NXF3: variants seen among roughly 807,000 people sequenced by gnomAD.
NXF3 encodes nuclear RNA export factor 3.
In NXF3, 34 loss-of-function variants were observed where a neutral mutation model predicts 48.4. That is an observed-to-expected ratio of 0.70 (90% CI 0.53 to 0.93). NXF3 has a LOEUF of 0.93. Among genes scored for constraint, NXF3 ranks in the 40% least tolerant of loss-of-function variants. The pLI, the probability that NXF3 is intolerant of heterozygous loss-of-function variation, is 0.00. For missense variants in NXF3, 359 were observed against 406.1 expected (o/e 0.88, Z 1.00); for synonymous variants, 132 against 145.7 (o/e 0.91, Z 0.68).
rs747670072 is a variant in NXF3 at position 103,077,731 on chromosome X, A to G, written c.1467T>C (p.Asn489=). The G allele has an allele frequency of 2.2e-5, 26 of 1,209,212 alleles. No individual in the cohort carries two copies. The African/African-American group carries it at 3.9e-4, about 18-fold the overall frequency. The change falls in exon 18 of 20, where the codon AAT becomes AAC. Residue 489 remains asparagine, a synonymous_variant. Transcript: ENST00000395065. The part of the protein sequence containing the change: ...PGSSSSLCIV[N]DKLFVRDTSH... ...TGGTATCCCGCACAAAGAGCTTGTC[A>G]TTCACGATGCACAGACTGGAGGAAA...
chrX:103,088,203 AAT>A (rs1922198850), intron 1 of NXF3: 9 of 937,234 alleles, frequency 9.6e-6, no homozygotes, highest in Non-Finnish European at 1.4e-5. Flanking sequence ...TGTTAAAAAA[AAT>A]ATTGGCCAAG....
chrX:103,076,373 T>G (rs1921871081), intron 18 of NXF3, 72 bp from the exon 19 acceptor site: 1 of 1,047,573 alleles, frequency 9.5e-7, no homozygotes, highest in African/African-American at 1.8e-5. Context: ...CAATGCCATT[T>G]CTTAATCTAT....
At chrX:103,080,350 C>T (rs1921978354) in intron 10 of NXF3, 134 bp from the exon 11 acceptor site, 1 of 709,117 alleles carries the variant, frequency 1.4e-6, no homozygotes, top group South Asian at 2.6e-5. Flanking sequence ...GTGGGCAAGA[C>T]TACAGTCGGG....
Position 103,078,579 on chromosome X carries a change from T to A in NXF3, c.1432A>T (p.Thr478Ser). 8.3e-7 allele frequency: 1 copy of A among 1,211,690 alleles called. No homozygotes were observed. Residue 478 changes from threonine to serine, a missense_variant, in exon 17 of 20, where the codon ACC becomes TCC. Transcript: ENST00000395065. ...ACTAACCTGGAACTGCTGCCAGGGGTAGCAATGAAGGTCCGGGTGAAGGCG... is the reference window on the plus strand; with the variant it reads ...ACTAACCTGGAACTGCTGCCAGGGGAAGCAATGAAGGTCCGGGTGAAGGCG... ...VLAFTRTFIATPGSSSSLCIV... is the reference protein window; with the variant it reads ...VLAFTRTFIASPGSSSSLCIV...
chrX:103,088,214 A>T, intron 1 of NXF3: 1 of 830,151 alleles, frequency 1.2e-6, no homozygotes, highest in Admixed American at 2.6e-5. Context: ...ATATTGGCCA[A>T]GCTTAAACGT....
At position 103,086,594 on chromosome X, in the gene NXF3, C is replaced by T. The variant is rs145644963; in HGVS notation, c.29-1711G>A. Reference sequence around the variant, plus strand: ...TATATAGTAATACGGTCTATTTAAACCAAATCATACCTATATTTTCATTAA... The same window carrying T: ...TATATAGTAATACGGTCTATTTAAATCAAATCATACCTATATTTTCATTAA... On this transcript the variant is annotated intron_variant, in intron 1 of 19. Transcript: ENST00000395065. Among the ~76,000 whole-genome samples, 614 of 108,357 alleles carry T rather than the reference C, an allele frequency of 5.7e-3. 9 individuals carry two copies. The highest frequency in any genetic ancestry group is 0.019 in the African/African-American group (567 of 29,658). 94.1% of individuals were successfully genotyped at this position (108,357 alleles called of 115,157 possible).
chrX:103,088,208 TG>T, intron 1 of NXF3: 1 of 908,940 alleles, frequency 1.1e-6, no homozygotes, highest in Non-Finnish European at 1.6e-6. Context: ...AAAAAAATAT[TG>T]GCCAAGCTTA....
rs372200752 is a variant in NXF3 at position 103,080,510 on chromosome X, G to A, written c.927+66C>T. 11 of 1,042,902 alleles carry A rather than the reference G, an allele frequency of 1.1e-5. No individual in the cohort carries two copies. In the South Asian group the frequency reaches 1.9e-4, roughly 18 times the overall value. The allele number at this position is 1,042,902 out of a possible 1,213,427, so 85.9% of individuals were successfully genotyped here. A position where few individuals can be genotyped will look rare whatever the true frequency, so the allele number is the denominator to read the frequency against. On this transcript the variant is annotated intron_variant, in intron 10 of 19. Transcript: ENST00000395065. The stretch of plus-strand genomic sequence containing the variant: ...TGTAACTGGGACAATATCTAAAGGG[G>A]TTTGGGGCAGTTGGGGGCAGCATCA...
Position 103,083,286 on chromosome X carries a change from CAA to C in NXF3, c.541-15_541-14del. ...CAAAGATTGATATCTGCAGAGAACC[CAA>C]GAGGGGCTGAGTAAACACTAGGAAC... On this transcript the variant is annotated splice_polypyrimidine_tract_variant and intron_variant, in intron 5 of 19. Transcript: ENST00000395065. 2 of 1,204,747 alleles carry C rather than the reference CAA, an allele frequency of 1.7e-6. No individual in the cohort carries two copies. Among genetic ancestry groups the C allele is most frequent in the Non-Finnish European group, 2.2e-6 (2 of 889,416 alleles).
chrX:103,087,591 T>C, intron 1 of NXF3: 1 of 960,633 alleles, frequency 1.0e-6, no homozygotes, highest in Non-Finnish European at 1.5e-6. Context: ...TGTATAATAC[T>C]TTTACCAGAG....
At chrX:103,087,865 A>G (rs1922190843) in intron 1 of NXF3, 1 of 971,679 alleles carries the variant, frequency 1.0e-6, no homozygotes, top group Admixed American at 2.3e-5. Context: ...AAAAGGTTTT[A>G]AGATTCAAAG....
intron 9 of NXF3, chrX:103,081,342 C>A (rs756907536): frequency 9.0e-6 from 1 of 111,657 alleles, no homozygotes. Context: ...GGACAGGAGA[C>A]CTTCTCCCGG....
intron 1 of NXF3, chrX:103,087,173 A>G (rs1922177354): frequency 1.6e-6 from 1 of 618,065 alleles, no homozygotes; most frequent in Non-Finnish European, 2.6e-6. Flanking sequence ...TATGGAGCTC[A>G]TCAGACTACA....
In NXF3 at chrX:103,080,163, C is replaced by A. The variant is rs776640998; in HGVS notation, c.981G>T (p.Arg327Ser). Residue 327 changes from arginine (R) to serine (S), a missense_variant, in exon 11 of 20, where the codon AGG becomes AGT. Physicochemically the swap from Arg to Ser is moderately radical, Grantham distance 110. Coordinates refer to ENST00000395065, the MANE Select transcript of NXF3 (RefSeq NM_022052.2). ...CTCTTCTCACCTTACAGGTTGGTAA[C>A]CTCTTGTGGGCTTCAGTACCACATA... ...ATLCGTEAHK[R>S]LPTCKGSFFG... The A allele has an allele frequency of 7.4e-6, 9 of 1,209,460 alleles. No homozygotes were observed. Among genetic ancestry groups the A allele is most frequent in the Non-Finnish European group, 1.0e-5 (9 of 895,113 alleles).
At position 103,079,625 on chromosome X, in the gene NXF3, A is replaced by T. The variant is rs199634102; in HGVS notation, c.1178T>A (p.Phe393Tyr). 1 of 1,209,482 alleles carries T rather than the reference A, an allele frequency of 8.3e-7. No homozygotes were observed. Among genetic ancestry groups the T allele is most frequent in the East Asian group, 3.0e-5 (1 of 33,731 alleles). The change falls in exon 14 of 20, where the codon TTC (phenylalanine) becomes TAC (tyrosine). Residue 393 changes from phenylalanine to tyrosine, a missense_variant. Transcript: ENST00000395065. ...EDSAPSSFCK[F>Y]FKDSRNIKIL... is the part of the protein sequence containing the mutation. ...TTTTATATTCCTGCTATCCTTGAAG[A>T]ACTTGCAGAAGCTGCTCCTAGAAGA... is the stretch of plus-strand genomic sequence containing the variant.
At chrX:103,088,705 G>A in intron 1 of NXF3, 1 of 985,790 alleles carries the variant, frequency 1.0e-6, no homozygotes, top group Non-Finnish European at 1.4e-6. Context: ...CTGGACAGAG[G>A]CCTTTTTGCT....
At chrX:103,087,150 G>A (rs997121029) in intron 1 of NXF3, 7 of 510,899 alleles carry the variant, frequency 1.4e-5, no homozygotes, top group Non-Finnish European at 2.3e-5. Context: ...AGGCAACACT[G>A]GTGTAGGAAC....
intron 9 of NXF3, chrX:103,081,340 G>C (rs1223180271): frequency 8.9e-6 from 1 of 111,830 alleles, no homozygotes; most frequent in East Asian, 3.1e-4. Flanking sequence ...GGGGACAGGA[G>C]ACCTTCTCCC....
chrX:103,079,343 G>A lies in NXF3; in HGVS notation c.1335+16C>T, dbSNP rs376176923. On this transcript the variant is annotated intron_variant, in intron 15 of 19. Transcript: ENST00000395065. Reference sequence around the variant, plus strand: ...TGGCTTTCTGGGCCTGCCCAAGGGAGGAAGCAGGTACTCACCGTCTGGTAC... The same window carrying A: ...TGGCTTTCTGGGCCTGCCCAAGGGAAGAAGCAGGTACTCACCGTCTGGTAC... 1 of 1,208,848 alleles carries A rather than the reference G, an allele frequency of 8.3e-7. No individual in the cohort carries two copies.
Sources: gnomAD v4.1 joint callset for allele counts (sites outside exome capture counted in the v4.1 genomes callset) on GRCh38, gnomAD v4.1.1 for gene constraint, MANE v1.5 for transcripts, NCBI Gene and HGNC (gene_info 2026-07-23, HGNC 2026-07-21) for gene names.